Variants in BACE1-AS observed in about 807,000 individuals in gnomAD.
BACE1-AS encodes the protein BACE1 antisense RNA (non-protein coding).
At chr11:117,291,353 C>T (rs931826671) in intron 1 of BACE1-AS, among the ~76,000 whole-genome samples, 7 of 151,772 alleles carry the variant, frequency 4.6e-5, no homozygotes, top group East Asian at 1.9e-4. Flanking sequence ...CATGGCTCAC[C>T]GCAACCTCCA....
intron 2 of BACE1-AS, chr11:117,292,033 A>C (rs1265914560): frequency 2.8e-6 from 1 of 356,842 alleles, no homozygotes; most frequent in African/African-American, 2.0e-5. Context: ...GTAAGGATTA[A>C]ATAAATCAGC....
chr11:117,291,428 C>T (rs551305295), intron 1 of BACE1-AS, among the ~76,000 whole-genome samples: 15 of 152,276 alleles, frequency 9.9e-5, no homozygotes, highest in African/African-American at 3.4e-4. Flanking sequence ...CAGGCGTGCG[C>T]CACCACACCC....
intron 1 of BACE1-AS, chr11:117,291,630 G>A: frequency 9.9e-7 from 1 of 1,008,018 alleles, no homozygotes; most frequent in Non-Finnish European, 1.6e-6. Context: ...CAGACATCTT[G>A]GCTGTTGCTG....
intron 2 of BACE1-AS, chr11:117,291,829 G>T (rs747973911): frequency 2.5e-6 from 4 of 1,590,410 alleles, no homozygotes; most frequent in Non-Finnish European, 1.7e-6. Context: ...AGGGAAAAGA[G>T]AGAGTTAAAA....
intron 2 of BACE1-AS, chr11:117,292,134 A>T (rs1219115211): frequency 5.9e-6 from 1 of 169,060 alleles, no homozygotes; most frequent in Non-Finnish European, 1.3e-5. Context: ...GTAGTCTCCA[A>T]ACTTGAAAAT....
intron 2 of BACE1-AS, chr11:117,292,016 G>T: frequency 2.5e-6 from 1 of 404,870 alleles, no homozygotes; most frequent in Non-Finnish European, 4.6e-6. Flanking sequence ...TACCTCAAAG[G>T]GTTATTGTAA....
At chr11:117,291,831 G>C (rs1253669758) in intron 2 of BACE1-AS, 1 of 1,575,834 alleles carries the variant, frequency 6.3e-7, no homozygotes, top group Non-Finnish European at 8.7e-7. Flanking sequence ...GGAAAAGAGA[G>C]AGTTAAAAGA....
chr11:117,292,047 G>A (rs1329651847), intron 2 of BACE1-AS: 10 of 308,028 alleles, frequency 3.2e-5, no homozygotes, highest in Admixed American at 4.4e-5. Flanking sequence ...AATCAGCAAT[G>A]TAAAGCACTT....
At chr11:117,291,841 A>C in intron 2 of BACE1-AS, 1 of 1,563,194 alleles carries the variant, frequency 6.4e-7, no homozygotes, top group East Asian at 2.3e-5. Context: ...GAGTTAAAAG[A>C]GTCAAAAGGT....
rs776542380 is a variant in BACE1-AS at position 117,291,825 on chromosome 11, AAGAG to A, written n.125+59_125+62del. 3 of 1,592,396 alleles carry A rather than the reference AAGAG, an allele frequency of 1.9e-6. 1 individual carries two copies. The highest frequency in any genetic ancestry group is 2.6e-6 in the Non-Finnish European group (3 of 1,160,884). ...TTGTCATAGTTGTACTAAGAGGGAA[AAGAG>A]AGAGTTAAAAGAGTCAAAAGGTTTT... On this transcript the variant is annotated intron_variant and non_coding_transcript_variant, in intron 2 of 3. Coordinates refer to ENST00000614401, the Ensembl canonical transcript of BACE1-AS.
intron 1 of BACE1-AS, among the ~76,000 whole-genome samples, chr11:117,291,426 C>T (rs1025555762): frequency 3.9e-5 from 6 of 151,902 alleles, no homozygotes; most frequent in African/African-American, 7.3e-5. Context: ...TACAGGCGTG[C>T]GCCACCACAC....
chr11:117,291,833 G>T, intron 2 of BACE1-AS: 1 of 1,577,776 alleles, frequency 6.3e-7, no homozygotes, highest in Middle Eastern at 1.7e-4. Context: ...AAAAGAGAGA[G>T]TTAAAAGAGT....
intron 2 of BACE1-AS, chr11:117,291,965 C>G: frequency 3.8e-6 from 2 of 528,568 alleles, no homozygotes; most frequent in Non-Finnish European, 7.0e-6. Context: ...ACCTCTGTGC[C>G]TCAGTTCCTT....
intron 1 of BACE1-AS, among the ~76,000 whole-genome samples, chr11:117,291,427 G>A (rs531004262): frequency 3.9e-4 from 59 of 152,178 alleles, no homozygotes; most frequent in African/African-American, 8.9e-4. Context: ...ACAGGCGTGC[G>A]CCACCACACC....
intron 2 of BACE1-AS, chr11:117,291,800 T>C (rs1408945817): frequency 1.9e-6 from 3 of 1,611,140 alleles, no homozygotes; most frequent in African/African-American, 1.3e-5. Context: ...CACAATGCTC[T>C]TGTCATAGTT....
At chr11:117,291,664 C>G (rs764521142) in intron 1 of BACE1-AS, 14 of 1,367,018 alleles carry the variant, frequency 1.0e-5, no homozygotes, top group Non-Finnish European at 1.5e-5. Context: ...TCACCGCCTC[C>G]CTCTGACACT....
exon 2 of BACE1-AS, chr11:117,291,753 C>CT: frequency 6.2e-7 from 1 of 1,613,686 alleles, no homozygotes. Context: ...GCTTCAAACA[C>CT]TTTCTTGGGC....
At chr11:117,292,048 TA>T (rs750944353) in intron 2 of BACE1-AS, 26 of 306,434 alleles carry the variant, frequency 8.5e-5, no homozygotes, top group Non-Finnish European at 1.5e-4. Flanking sequence ...ATCAGCAATG[TA>T]AAGCACTTAG....
intron 2 of BACE1-AS, chr11:117,291,907 G>A: frequency 1.2e-6 from 1 of 823,832 alleles, no homozygotes; most frequent in Non-Finnish European, 2.0e-6. Flanking sequence ...CAGCTGGGTT[G>A]GCATCTTGGC....
Sources: gnomAD v4.1 joint callset for allele counts (sites outside exome capture counted in the v4.1 genomes callset) on GRCh38, gnomAD v4.1.1 for gene constraint, MANE v1.5 for transcripts, NCBI Gene and HGNC (gene_info 2026-07-23, HGNC 2026-07-21) for gene names.